ARNT2: variants seen among roughly 807,000 people sequenced by gnomAD.
ARNT2 encodes ARNT protein 2.
In ARNT2, 36 loss-of-function variants were observed where a neutral mutation model predicts 91.7. That is an observed-to-expected ratio of 0.39 (90% confidence interval 0.30 to 0.52). ARNT2 has a LOEUF of 0.52. Ranked by LOEUF, ARNT2 falls within the 20% of genes least tolerant of loss-of-function variation. The pLI, the probability that ARNT2 is intolerant of heterozygous loss-of-function variation, is 0.72. For missense variants in ARNT2, 775 were observed against 939.3 expected (o/e 0.83, Z 2.29); for synonymous variants, 365 against 347.1 (o/e 1.05, Z -0.57).
chr15:80,493,874 A>G (rs1473034863), intron 5 of ARNT2, among the ~76,000 whole-genome samples: 1 of 152,102 alleles, frequency 6.6e-6, no homozygotes, highest in Non-Finnish European at 1.5e-5. Context: ...TCCCTGTGGA[A>G]ATGAGTAAGT....
intron 8 of ARNT2, among the ~76,000 whole-genome samples, chr15:80,533,856 C>G (rs1897779995): frequency 6.6e-6 from 1 of 152,208 alleles, no homozygotes; most frequent in Non-Finnish European, 1.5e-5. Context: ...ACTGATGAGG[C>G]CCCAAGAGGG....
At chr15:80,580,729 G>A (rs1364597178) in intron 16 of ARNT2, among the ~76,000 whole-genome samples, 180 bp downstream of exon 16, 1 of 152,152 alleles carries the variant, frequency 6.6e-6, no homozygotes, top group African/African-American at 2.4e-5. Context: ...AGAGCCAGGT[G>A]CCCAGCCTGC....
intron 1 of ARNT2, chr15:80,444,811 G>A (rs933693172): frequency 3.3e-5 from 5 of 149,432 alleles, no homozygotes; most frequent in African/African-American, 1.2e-4. Context: ...TGTTGTGAGT[G>A]GTATATGTGT....
At chr15:80,506,986 C>T (rs1175027036) in intron 5 of ARNT2, among the ~76,000 whole-genome samples, 3 of 152,060 alleles carry the variant, frequency 2.0e-5, no homozygotes, top group African/African-American at 7.2e-5. Context: ...GGAGCAGCTG[C>T]CATGGAGCTG....
intron 1 of ARNT2, among the ~76,000 whole-genome samples, chr15:80,422,859 G>A (rs768573473): frequency 9.2e-5 from 14 of 152,268 alleles, no homozygotes; most frequent in Middle Eastern, 6.8e-3. Flanking sequence ...GTAAGGAGAA[G>A]AGTCTGGATT....
At chr15:80,520,199 A>G (rs1274513688) in intron 8 of ARNT2, among the ~76,000 whole-genome samples, 1 of 152,148 alleles carries the variant, frequency 6.6e-6, no homozygotes, top group Non-Finnish European at 1.5e-5. Context: ...AACAAGATGC[A>G]TAATCAAATA....
intron 1 of ARNT2, among the ~76,000 whole-genome samples, chr15:80,413,539 T>C (rs1306037300): frequency 2.0e-5 from 3 of 152,236 alleles, no homozygotes; most frequent in Non-Finnish European, 4.4e-5. Context: ...TAACTGAGGA[T>C]AAATGTGTTT....
At chr15:80,509,654 T>A (rs1431008208) in intron 6 of ARNT2, among the ~76,000 whole-genome samples, 1 of 152,080 alleles carries the variant, frequency 6.6e-6, no homozygotes, top group African/African-American at 2.4e-5. Flanking sequence ...TTCCATGTTA[T>A]ATAGGGTGGG....
intron 5 of ARNT2, among the ~76,000 whole-genome samples, chr15:80,500,214 C>T (rs1897172414): frequency 6.6e-6 from 1 of 152,182 alleles, no homozygotes; most frequent in South Asian, 2.1e-4. Context: ...GCTGTAATAA[C>T]TGGGGTCAAC....
rs1172539523 is a variant in ARNT2 at position 80,470,192 on chromosome 15, C to G, written c.195-26C>G. The stretch of plus-strand genomic sequence containing the variant: ...TCTGATACTTCTCTTTTTTCCCCCT[C>G]TCCTGATCTCGTGCTTTCTGGAAAG... On this transcript the variant is annotated intron_variant, in intron 3 of 18. Coordinates refer to ENST00000303329, the MANE Select transcript of ARNT2 (RefSeq NM_014862.4). 1.9e-6 allele frequency: 3 copies of G among 1,601,374 alleles called. No individual in the cohort carries two copies. The Admixed American group carries it at 5.1e-5, about 27-fold the overall frequency.
At chr15:80,554,757 G>A (rs1329073482) in intron 10 of ARNT2, 2 of 250,482 alleles carry the variant, frequency 8.0e-6, no homozygotes, top group African/African-American at 4.3e-5. Flanking sequence ...ATTAAAGTAT[G>A]TTTATTGCAG....
intron 2 of ARNT2, among the ~76,000 whole-genome samples, chr15:80,452,372 C>T (rs1304284619): frequency 1.3e-5 from 2 of 152,146 alleles, no homozygotes; most frequent in Admixed American, 1.3e-4. Context: ...AGTGTTGGTG[C>T]CTGGGGCAAA....
chr15:80,430,990 G>A (rs7167062), intron 1 of ARNT2, among the ~76,000 whole-genome samples: 20,211 of 151,914 alleles, frequency 0.13, 2,196 homozygotes, highest in African/African-American at 0.3. Flanking sequence ...TCTGTCCCAG[G>A]GTTTTTTCCC....
chr15:80,583,909 G>C (rs866462792), intron 17 of ARNT2, among the ~76,000 whole-genome samples: 1 of 152,210 alleles, frequency 6.6e-6, no homozygotes, highest in Admixed American at 6.5e-5. Flanking sequence ...TCATGAGAAA[G>C]GGGCTGGAAC....
chr15:80,439,109 A>G (rs955673079), intron 1 of ARNT2, among the ~76,000 whole-genome samples: 7 of 152,294 alleles, frequency 4.6e-5, no homozygotes, highest in Admixed American at 4.6e-4. Flanking sequence ...TCTTGCAATA[A>G]TATTTATATT....
intron 8 of ARNT2, among the ~76,000 whole-genome samples, chr15:80,520,288 CCT>C (rs1897519748): frequency 6.6e-6 from 1 of 152,130 alleles, no homozygotes; most frequent in African/African-American, 2.4e-5. Context: ...AAGTCGTAAA[CCT>C]CTGTTTACCT....
chr15:80,410,414 G>T (rs1895663826), intron 1 of ARNT2, among the ~76,000 whole-genome samples: 1 of 152,204 alleles, frequency 6.6e-6, no homozygotes, highest in Non-Finnish European at 1.5e-5. Flanking sequence ...CAGGGGGCCT[G>T]TGGGGTGTGC....
intron 8 of ARNT2, among the ~76,000 whole-genome samples, chr15:80,549,660 TC>T (rs1160613894): frequency 1.3e-5 from 2 of 152,190 alleles, no homozygotes; most frequent in Non-Finnish European, 2.9e-5. Context: ...AGAAATCACT[TC>T]TCACCTGTCA....
chr15:80,476,439 A>T (rs1315628927), intron 5 of ARNT2, among the ~76,000 whole-genome samples: 1 of 152,252 alleles, frequency 6.6e-6, no homozygotes, highest in Non-Finnish European at 1.5e-5. Context: ...TGTCAATCAC[A>T]TTGGAACAAA....
Sources: gnomAD v4.1 joint callset for allele counts (sites outside exome capture counted in the v4.1 genomes callset) on GRCh38, gnomAD v4.1.1 for gene constraint, MANE v1.5 for transcripts, NCBI Gene and HGNC (gene_info 2026-07-23, HGNC 2026-07-21) for gene names.